LRP2: variants seen among roughly 807,000 people sequenced by gnomAD.
LRP2 encodes LDL receptor related protein 2.
Under a neutral mutation model 531.0 loss-of-function variants are expected in LRP2, and 172 were observed. That is an observed-to-expected ratio of 0.32 (90% CI 0.29 to 0.37). The LOEUF is 0.37. Among genes scored for constraint, LRP2 ranks in the 10% least tolerant of loss-of-function variants. The probability of loss-of-function intolerance (pLI) is 1.00; values close to 1 mark genes in which losing one functional copy is unlikely to be tolerated. For missense variants in LRP2, 5,167 were observed against 5,868.3 expected (o/e 0.88, Z 3.90); for synonymous variants, 1,992 against 2,027.6 (o/e 0.98, Z 0.47).
chr2:169,271,490 G>T (rs557646006), intron 15 of LRP2, among the ~76,000 whole-genome samples: 1 of 151,852 alleles, frequency 6.6e-6, no homozygotes, highest in Non-Finnish European at 1.5e-5. Flanking sequence ...TTGTGCACAT[G>T]TACCCTAGAA....
Position 169,198,893 on chromosome 2 carries a change from G to A in LRP2, c.8471C>T (p.Ser2824Phe). The change falls in exon 45 of 79, where the codon TCT becomes TTT. Residue 2824 changes from serine to phenylalanine, a missense_variant. By Grantham distance (155) the Ser-to-Phe change is radical. Transcript: ENST00000649046. ...TGAATTATGACATTTTGTGTATCCA[G>A]ACTGGCAAGTGCGATCAGCTTGAAA... ...EKNCPDRTCQSGYTKCHNSNI... is the reference protein window; with the variant it reads ...EKNCPDRTCQFGYTKCHNSNI... 6.2e-7 allele frequency: 1 copy of A among 1,613,714 alleles called. No individual in the cohort carries two copies. Among genetic ancestry groups the A allele is most frequent in the Non-Finnish European group, 8.5e-7 (1 of 1,179,770 alleles).
In LRP2 at chr2:169,283,730, T is replaced by C. The variant is rs145448085; in HGVS notation, c.1043-729A>G. ...AAATGTCTTCTCCTCTACTTATTGG[T>C]TAACTTATTATTCACTCATTTAGTA... On this transcript the variant is annotated intron_variant, in intron 9 of 78. Transcript: ENST00000649046. Among the ~76,000 whole-genome samples, 23 of 152,344 alleles carry C rather than the reference T, an allele frequency of 1.5e-4. 1 individual carries two copies. In the East Asian group the frequency reaches 4.2e-3, roughly 28 times the overall value.
At chr2:169,245,256 A>T (rs1054898194) in intron 21 of LRP2, among the ~76,000 whole-genome samples, 1 of 152,198 alleles carries the variant, frequency 6.6e-6, no homozygotes, top group Non-Finnish European at 1.5e-5. Context: ...GAGATTTAGG[A>T]ACCTGCCTAT....
At chr2:169,165,901 T>A in intron 62 of LRP2, 31 bp downstream of exon 62, 1 of 1,612,626 alleles carries the variant, frequency 6.2e-7, no homozygotes, top group South Asian at 1.1e-5. Context: ...GGGTCCTTCC[T>A]TTTTCCTTCT....
intron 52 of LRP2, among the ~76,000 whole-genome samples, chr2:169,178,875 C>T (rs1687314860): frequency 1.3e-5 from 2 of 152,000 alleles, no homozygotes; most frequent in African/African-American, 4.8e-5. Context: ...AAAAATATTT[C>T]CCAAAATATA....
intron 19 of LRP2, among the ~76,000 whole-genome samples, chr2:169,255,659 T>C (rs1690275662): frequency 6.6e-6 from 1 of 152,212 alleles, no homozygotes; most frequent in Non-Finnish European, 1.5e-5. Flanking sequence ...TTGATGAATA[T>C]GTGTAATCGT....
chr2:169,277,995 A>C (rs201658704), intron 12 of LRP2, 44 bp from the exon 13 acceptor site: 389 of 1,540,626 alleles, frequency 2.5e-4, no homozygotes, highest in Non-Finnish European at 3.2e-4. Context: ...GTATTTTACA[A>C]GTTAACCTGG....
At chr2:169,285,244 C>T (rs561233238) in intron 9 of LRP2, among the ~76,000 whole-genome samples, 19 of 151,756 alleles carry the variant, frequency 1.3e-4, no homozygotes, top group African/African-American at 2.7e-4. Context: ...CTGCAGTGAG[C>T]GTGATAATGC....
rs972047582 is a variant in LRP2 at position 169,138,628 on chromosome 2, A to T, written c.13467T>A (p.Ile4489=). Residue 4489 remains isoleucine (I), a synonymous_variant, in exon 75 of 79, where the codon ATT becomes ATA. Coordinates refer to ENST00000649046, the MANE Select transcript of LRP2 (RefSeq NM_004525.3). The part of the protein sequence containing the change: ...FRSGADLNMD[I]GVSGFGPETA... ...TCTCAGGTCCAAAACCAGACACTCC[A>T]ATATCCATGTTAAGATCTGCCCCTG... The T allele has an allele frequency of 1.9e-6, 3 of 1,613,954 alleles. No individual in the cohort carries two copies. The highest frequency in any genetic ancestry group is 2.5e-6 in the Non-Finnish European group (3 of 1,179,970).
chr2:169,269,485 C>G lies in LRP2; in HGVS notation c.2320+1419G>C, dbSNP rs998163771. Among the ~76,000 whole-genome samples the G allele has an allele frequency of 5.9e-5, 9 of 151,968 alleles. No homozygotes were observed. The South Asian group carries it at 6.2e-4, about 11-fold the overall frequency. ...ACCATCTGATCTTTGACAAACCTGA[C>G]AAAAACAAGAAATGGGGAAAGGATT... On this transcript the variant is annotated intron_variant, in intron 16 of 78. Coordinates refer to ENST00000649046, the MANE Select transcript of LRP2 (RefSeq NM_004525.3).
intron 1 of LRP2, among the ~76,000 whole-genome samples, chr2:169,345,327 G>A (rs978001050): frequency 1.2e-4 from 18 of 152,148 alleles, no homozygotes; most frequent in South Asian, 2.1e-4. Flanking sequence ...TTTTTTCTCC[G>A]TTATAGTAAA....
In LRP2 at chr2:169,141,980, C is replaced by T. The variant is rs1019933865; in HGVS notation, c.13108+694G>A. Among the ~76,000 whole-genome samples the T allele has an allele frequency of 3.3e-5, 5 of 152,164 alleles. No individual in the cohort carries two copies. In the South Asian group the frequency reaches 6.2e-4, roughly 19 times the overall value. ...CCCCTGGTGGTAGAAGGTGGTTAAG[C>T]GTTTTCCTTTCCCCATCAGCTAAAA... On this transcript the variant is annotated intron_variant, in intron 71 of 78. Coordinates refer to ENST00000649046, the MANE Select transcript of LRP2 (RefSeq NM_004525.3).
At chr2:169,317,915 A>G (rs1249306545) in intron 3 of LRP2, among the ~76,000 whole-genome samples, 1 of 152,044 alleles carries the variant, frequency 6.6e-6, no homozygotes, top group African/African-American at 2.4e-5. Context: ...TGTCTCTACA[A>G]AAAATTTAAA....
At chr2:169,294,438 T>G (rs1483785345) in intron 5 of LRP2, among the ~76,000 whole-genome samples, 162 bp downstream of exon 5, 4 of 152,170 alleles carry the variant, frequency 2.6e-5, no homozygotes, top group African/African-American at 9.7e-5. Context: ...TTGTAGTGTT[T>G]GCCGATTTCC....
At chr2:169,215,764 A>ATTCTAT (rs1688763252) in intron 35 of LRP2, among the ~76,000 whole-genome samples, 1 of 147,510 alleles carries the variant, frequency 6.8e-6, no homozygotes, top group African/African-American at 2.5e-5. Flanking sequence ...TCATATATAG[A>ATTCTAT]ATCTATATAG....
intron 3 of LRP2, 142 bp from the exon 4 acceptor site, chr2:169,307,539 C>A: frequency 1.5e-6 from 1 of 670,316 alleles, no homozygotes. Context: ...GCTGAGCTTA[C>A]AAAGCAAAAA....
Position 169,326,785 on chromosome 2 carries a change from G to C in LRP2, c.80-5901C>G, listed in dbSNP as rs1368997846. ...TAGGAAGTGAGGAGCGCCTCTTCCC[G>C]GCAGCCATCCCATCTGGGAAGTGAG... is the stretch of plus-strand genomic sequence containing the variant. On this transcript the variant is annotated intron_variant, in intron 1 of 78. Transcript: ENST00000649046. Among the ~76,000 whole-genome samples the C allele has an allele frequency of 3.3e-5, 5 of 150,110 alleles. No individual in the cohort carries two copies. In the South Asian group the frequency reaches 8.4e-4, roughly 25 times the overall value.
At position 169,330,852 on chromosome 2, in the gene LRP2, TA is replaced by T. The variant is rs398042794; in HGVS notation, c.80-9969del. On this transcript the variant is annotated intron_variant, in intron 1 of 78. Coordinates refer to ENST00000649046, the MANE Select transcript of LRP2 (RefSeq NM_004525.3). ...CTTAGCCCACATGAAAGAGATCATCTAAAAAAAAAAAACATAATACATTCTT... is the reference window on the plus strand; with the variant it reads ...CTTAGCCCACATGAAAGAGATCATCTAAAAAAAAAAACATAATACATTCTT... Among the ~76,000 whole-genome samples, 687 of 143,724 alleles carry T rather than the reference TA, an allele frequency of 4.8e-3. 1 individual carries two copies. Among genetic ancestry groups the T allele is most frequent in the African/African-American group, 6.2e-3 (244 of 39,344 alleles). The allele number at this position is 143,724 out of a possible 152,430, so 94.3% of individuals were successfully genotyped here.
intron 43 of LRP2, among the ~76,000 whole-genome samples, chr2:169,202,134 C>G (rs1313977630): frequency 6.6e-6 from 1 of 152,130 alleles, no homozygotes; most frequent in Non-Finnish European, 1.5e-5. Context: ...TCTATAATCT[C>G]AATTTATCTC....
Sources: allele counts gnomAD v4.1 joint callset (sites outside exome capture counted in the v4.1 genomes callset), GRCh38; gene constraint gnomAD v4.1.1; transcripts MANE v1.5; gene names NCBI Gene and HGNC (gene_info 2026-07-23, HGNC 2026-07-21).